The following APOB variants were observed in gnomAD, a reference collection of about 807,000 sequenced individuals.
The protein encoded by APOB is apolipoprotein B, also known as apolipoprotein B-100.
Under a neutral mutation model 314.1 loss-of-function variants are expected in APOB, and 153 were observed. That is an observed-to-expected ratio of 0.49 (90% CI 0.43 to 0.56). The LOEUF is 0.56. Among genes scored for constraint, APOB ranks in the 20% least tolerant of loss-of-function variants. The probability of loss-of-function intolerance (pLI) is 0.00; values close to 1 mark genes in which losing one functional copy is unlikely to be tolerated. For missense variants in APOB, 5,430 were observed against 5,350.7 expected (o/e 1.01, Z -0.46); for synonymous variants, 2,087 against 2,036.4 (o/e 1.02, Z -0.67).
At position 21,014,929 on chromosome 2, in the gene APOB, G is replaced by GT. The variant is rs149505602; in HGVS notation, c.3696+143dup. The GT allele has an allele frequency of 3.1e-3, 2,713 of 881,202 alleles. 12 individuals carry two copies. Among genetic ancestry groups the GT allele is most frequent in the African/African-American group, 0.021 (1,261 of 59,312 alleles). 54.6% of individuals were successfully genotyped at this position (881,202 alleles called of 1,614,324 possible). ...ACTGGGTAACTACACACTTGTGAAA[G>GT]TTTTTTTTTCTCCCCAAGAATTCCC... On this transcript the variant is annotated intron_variant, in intron 23 of 28. Coordinates refer to ENST00000233242, the MANE Select transcript of APOB (RefSeq NM_000384.3).
At position 21,002,289 on chromosome 2, in the gene APOB, T is replaced by C. The variant is rs1459612614; in HGVS notation, c.13133A>G (p.His4378Arg). ...TTCACGAAGGGCCATAATGTATTGA[T>C]GGATCTGCTGTAACTCTTGAGAAGC... ...QEASQELQQI[H>R]QYIMALREEY... The change falls in exon 29 of 29, where the codon CAT (histidine) becomes CGT (arginine). Residue 4378 changes from histidine to arginine, a missense_variant. Coordinates refer to ENST00000233242, the MANE Select transcript of APOB (RefSeq NM_000384.3). The C allele has an allele frequency of 7.4e-6, 12 of 1,613,858 alleles. No individual in the cohort carries two copies. The highest frequency in any genetic ancestry group is 1.7e-5 in the Admixed American group (1 of 59,974).
Position 21,006,579 on chromosome 2 carries a change from T to G in APOB, c.10289A>C (p.Lys3430Thr), listed in dbSNP as rs752383410. Reference protein sequence around the residue: ...NMEVSVATTTKAQIPILRMNF... With the variant: ...NMEVSVATTTTAQIPILRMNF... ...CATTCTCAAAATTGGAATTTGGGCTTTTGTGGTTGTTGCCACTGACACTTC... is the reference window on the plus strand; with the variant it reads ...CATTCTCAAAATTGGAATTTGGGCTGTTGTGGTTGTTGCCACTGACACTTC... Residue 3430 changes from lysine to threonine, a missense_variant, in exon 26 of 29, where the codon AAA becomes ACA. Transcript: ENST00000233242. 1 of 1,614,122 alleles carries G rather than the reference T, an allele frequency of 6.2e-7. No homozygotes were observed. Among genetic ancestry groups the G allele is most frequent in the South Asian group, 1.1e-5 (1 of 91,082 alleles).
At position 21,007,375 on chromosome 2, in the gene APOB, T is replaced by A. The variant is rs149166048; in HGVS notation, c.9493A>T (p.Thr3165Ser). The A allele has an allele frequency of 6.2e-7, 1 of 1,614,088 alleles. No homozygotes were observed. The highest frequency in any genetic ancestry group is 2.2e-5 in the East Asian group (1 of 44,876). Residue 3165 changes from threonine (T) to serine (S), a missense_variant, in exon 26 of 29, where the codon ACA (threonine) becomes TCA (serine). By Grantham distance (58) the Thr-to-Ser change is moderately conservative. Coordinates refer to ENST00000233242, the MANE Select transcript of APOB (RefSeq NM_000384.3). ...ACACTTAAATCAAATGATTGCTTTGTCGTTTTCAAGAATTCCTTCAAGCCT... is the reference window on the plus strand; with the variant it reads ...ACACTTAAATCAAATGATTGCTTTGACGTTTTCAAGAATTCCTTCAAGCCT... ...KTGLKEFLKT[T>S]KQSFDLSVKA...
At position 21,028,006 on chromosome 2, in the gene APOB, A is replaced by C. The variant is rs777150188; in HGVS notation, c.1889T>G (p.Phe630Cys). ...KESQLPTVMD[F>C]RKFSRNYQLY... ...TTGATAGTTCCGAGAGAATTTTCTG[A>C]AGTCCATGACAGTTGGAAGTTGAGA... is the stretch of plus-strand genomic sequence containing the variant. Residue 630 changes from phenylalanine (F) to cysteine (C), a missense_variant, in exon 14 of 29, where the codon TTC (phenylalanine) becomes TGC (cysteine). Physicochemically the swap from Phe to Cys is radical, Grantham distance 205. This residue lies in a region of APOB where 2,085 missense variants were observed against 2,079.7 expected (regional missense o/e 1.00). Coordinates refer to ENST00000233242, the MANE Select transcript of APOB (RefSeq NM_000384.3). 5.0e-6 allele frequency: 8 copies of C among 1,614,012 alleles called. No individual in the cohort carries two copies. The African/African-American group carries it at 9.3e-5, about 19-fold the overall frequency.
chr2:21,036,951 C>A (rs959596049), intron 6 of APOB, 149 bp downstream of exon 6: 14 of 994,840 alleles, frequency 1.4e-5, no homozygotes, highest in Non-Finnish European at 2.0e-5. Flanking sequence ...CAGACCTTCC[C>A]GTGCCTGCTC....
At position 21,033,463 on chromosome 2, in the gene APOB, C is replaced by A; in HGVS notation, c.960G>T (p.Lys320Asn). 2 of 1,614,140 alleles carry A rather than the reference C, an allele frequency of 1.2e-6. No individual in the cohort carries two copies. The highest frequency in any genetic ancestry group is 1.7e-6 in the Non-Finnish European group (2 of 1,180,022). ...FESTKSTSPP[K>N]QAEAVLKTLQ... ...GAGTCTTCAAAACAGCTTCGGCCTG[C>A]TTTGGAGGTGATGTGGATTTGGTGC... The change falls in exon 9 of 29, where the codon AAG becomes AAT. Residue 320 changes from lysine to asparagine, a missense_variant. By Grantham distance (94) the Lys-to-Asn change is moderately conservative (BLOSUM62 0). Transcript: ENST00000233242.
In APOB at chr2:21,008,892, G is replaced by A. The variant is rs922450819; in HGVS notation, c.7976C>T (p.Pro2659Leu). 2.3e-5 allele frequency: 37 copies of A among 1,613,928 alleles called. No homozygotes were observed. The highest frequency in any genetic ancestry group is 3.1e-5 in the Non-Finnish European group (36 of 1,179,920). Reference protein sequence around the residue: ...EFTILNTFHIPSFTIDFVEMK... With the variant: ...EFTILNTFHILSFTIDFVEMK... Reference sequence around the variant, plus strand: ...TTCTACAAAGTCAATTGTAAAGGAAGGAATGTGGAAGGTGTTAAGGATGGT... The same window carrying A: ...TTCTACAAAGTCAATTGTAAAGGAAAGAATGTGGAAGGTGTTAAGGATGGT... Residue 2659 changes from proline to leucine, a missense_variant, in exon 26 of 29, where the codon CCT becomes CTT. Coordinates refer to ENST00000233242, the MANE Select transcript of APOB (RefSeq NM_000384.3).
At chr2:21,021,990 C>G (rs1663617565) in intron 18 of APOB, among the ~76,000 whole-genome samples, 1 of 152,192 alleles carries the variant, frequency 6.6e-6, no homozygotes, top group South Asian at 2.1e-4. Flanking sequence ...GGATCTTGCT[C>G]TGTCTCCCAG....
chr2:21,028,441 G>T lies in APOB; in HGVS notation c.1715C>A (p.Ala572Glu), dbSNP rs1018158968. The T allele has an allele frequency of 6.2e-7, 1 of 1,613,674 alleles. No individual in the cohort carries two copies. Among genetic ancestry groups the T allele is most frequent in the Non-Finnish European group, 8.5e-7 (1 of 1,179,732 alleles). Residue 572 changes from alanine (A) to glutamate (E), a missense_variant, in exon 13 of 29, where the codon GCA (alanine) becomes GAA (glutamate). By Grantham distance (107) the Ala-to-Glu change is moderately radical. Transcript: ENST00000233242. ...YLMLMRSPSQADINKIVQILP... is the reference protein window; with the variant it reads ...YLMLMRSPSQEDINKIVQILP... ...AATTTGGACAATTTTGTTAATATCTGCCTGTGAAGGACTCCTCATCAACAT... is the reference window on the plus strand; with the variant it reads ...AATTTGGACAATTTTGTTAATATCTTCCTGTGAAGGACTCCTCATCAACAT...
Position 21,011,709 on chromosome 2 carries a change from C to T in APOB, c.5159G>A (p.Gly1720Asp). 1 of 1,614,168 alleles carries T rather than the reference C, an allele frequency of 6.2e-7. No homozygotes were observed. The highest frequency in any genetic ancestry group is 8.5e-7 in the Non-Finnish European group (1 of 1,180,038). ...GTTGAAAATGTTTTTGCTGTCGACA[C>T]CCAGAATCATGGCCTGATAAGCACT... Reference protein sequence around the residue: ...LGSAYQAMILGVDSKNIFNFK... With the variant: ...LGSAYQAMILDVDSKNIFNFK... Residue 1720 changes from glycine (G) to aspartate (D), a missense_variant, in exon 26 of 29, where the codon GGT becomes GAT. Physicochemically the swap from Gly to Asp is moderately conservative, Grantham distance 94. This residue lies in a region of APOB where 2,085 missense variants were observed against 2,079.7 expected (regional missense o/e 1.00). Transcript: ENST00000233242.
intron 20 of APOB, among the ~76,000 whole-genome samples, chr2:21,017,371 T>C (rs1485137637): frequency 1.3e-5 from 2 of 152,114 alleles, no homozygotes; most frequent in African/African-American, 4.8e-5. Flanking sequence ...ATGAATGTTA[T>C]GAAGAAGAGT....
intron 6 of APOB, among the ~76,000 whole-genome samples, chr2:21,036,553 G>A (rs1664008118): frequency 6.6e-6 from 1 of 152,166 alleles, no homozygotes; most frequent in Non-Finnish European, 1.5e-5. Context: ...AGAGAGGAGA[G>A]GGTGCTCCAG....
intron 18 of APOB, among the ~76,000 whole-genome samples, chr2:21,021,677 G>T (rs1339245252): frequency 2.0e-5 from 3 of 151,990 alleles, no homozygotes; most frequent in African/African-American, 7.3e-5. Context: ...TTTTCCTTTT[G>T]CCTGGAACAC....
intron 3 of APOB, 122 bp from the exon 4 acceptor site, chr2:21,041,205 C>A (rs1217936228): frequency 2.9e-6 from 3 of 1,022,466 alleles, no homozygotes; most frequent in Non-Finnish European, 4.4e-6. Context: ...ACACCACTGC[C>A]TGCGCCTCAA....
In APOB at chr2:21,010,384, C is replaced by CA. The variant is rs1309651662; in HGVS notation, c.6483dup (p.Asp2162Ter). On this transcript the variant is annotated frameshift_variant, in exon 26 of 29. Coordinates refer to ENST00000233242, the MANE Select transcript of APOB (RefSeq NM_000384.3). LOFTEE classifies it high-confidence loss of function. ...TTTTCATTAAAGTTGATTTTGGCAT[C>CA]ATCTAATGCAATTTGTATATCATTT... 10 of 1,586,596 alleles carry CA rather than the reference C, an allele frequency of 6.3e-6. No individual in the cohort carries two copies. The highest frequency in any genetic ancestry group is 8.6e-6 in the Non-Finnish European group (10 of 1,164,762).
rs1380682815 is a variant in APOB, at chr2:21,002,264, T to C, written c.13158A>G (p.Glu4386=). ...QIHQYIMALR[E]EYFDPSIVGW... is the part of the protein sequence containing the mutation. ...CAACTATACTTGGATCAAAATATTC[T>C]TCACGAAGGGCCATAATGTATTGAT... Residue 4386 remains glutamate, a synonymous_variant, in exon 29 of 29, where the codon GAA becomes GAG. Transcript: ENST00000233242. The C allele has an allele frequency of 1.9e-6, 3 of 1,614,018 alleles. No individual in the cohort carries two copies. Among genetic ancestry groups the C allele is most frequent in the South Asian group, 2.2e-5 (2 of 91,084 alleles).
chr2:21,032,631 T>C, intron 9 of APOB, 50 bp from the exon 10 acceptor site: 1 of 1,412,504 alleles, frequency 7.1e-7, no homozygotes, highest in Non-Finnish European at 1.0e-6. Flanking sequence ...TCAGGGCACA[T>C]AAAATATTGC....
chr2:21,033,257 A>C, intron 9 of APOB, 42 bp downstream of exon 9: 1 of 1,513,318 alleles, frequency 6.6e-7, no homozygotes, highest in South Asian at 1.1e-5. Context: ...TCAGTCAGTT[A>C]CCATCAGTTT....
chr2:21,036,045 A>G (rs138386297), intron 6 of APOB, among the ~76,000 whole-genome samples: 1 of 152,238 alleles, frequency 6.6e-6, no homozygotes, highest in African/African-American at 2.4e-5. Context: ...TCATTTACAT[A>G]TTCTTTGCAT....
Sources: gnomAD v4.1 joint callset for allele counts (sites outside exome capture counted in the v4.1 genomes callset) on GRCh38, gnomAD v4.1.1 for gene constraint, gnomAD v4.1.1 regional missense constraint, MANE v1.5 for transcripts, NCBI Gene and HGNC (gene_info 2026-07-23, HGNC 2026-07-21) for gene names.